The following ARL15 variants were observed in gnomAD, a reference collection of about 807,000 sequenced individuals.
ARL15 encodes ADP-ribosylation factor-like protein 15.
In ARL15, 19 loss-of-function variants were observed where a neutral mutation model predicts 25.2. That is an observed-to-expected ratio of 0.75 (90% CI 0.53 to 1.10). The LOEUF (loss-of-function observed/expected upper bound fraction) is 1.10, where lower values mean the gene tolerates loss of function less well. ARL15 is among the 50% of genes least tolerant of loss of function. The pLI is 0.00. For synonymous variants in ARL15, 94 were observed against 86.8 expected (o/e 1.08, Z -0.46); for missense variants, 220 against 246.0 (o/e 0.89, Z 0.71).
intron 4 of ARL15, among the ~76,000 whole-genome samples, chr5:54,090,889 G>A (rs763870235): frequency 3.3e-5 from 5 of 152,252 alleles, no homozygotes; most frequent in South Asian, 2.1e-4. Flanking sequence ...GCTTAGGGCT[G>A]AGATTAGACT....
chr5:54,200,110 C>A (rs920368872), intron 1 of ARL15, among the ~76,000 whole-genome samples: 2 of 132,806 alleles, frequency 1.5e-5, no homozygotes, highest in East Asian at 4.4e-4. Context: ...CACATGGACA[C>A]AGGAAGGGGA....
chr5:53,968,196 T>C (rs746586224), intron 4 of ARL15, among the ~76,000 whole-genome samples: 2 of 152,206 alleles, frequency 1.3e-5, no homozygotes, highest in Non-Finnish European at 2.9e-5. Flanking sequence ...TGTAAACTGA[T>C]ACTCTACAAA....
chr5:54,115,504 T>G (rs1441601957), intron 3 of ARL15, among the ~76,000 whole-genome samples: 2 of 152,172 alleles, frequency 1.3e-5, no homozygotes, highest in Non-Finnish European at 2.9e-5. Context: ...TCCCATTTAT[T>G]AAACACTTCC....
At position 54,276,099 on chromosome 5, in the gene ARL15, A is replaced by G. The variant is rs1757922551; in HGVS notation, c.48+34333T>C. On this transcript the variant is annotated intron_variant, in intron 1 of 4. Transcript: ENST00000504924. ...AGAAACTTATTCTGCTTAAGCTACT[A>G]TTATTTTGGTCTTTATAAAAACAGC... 2.0e-5 allele frequency among the ~76,000 whole-genome samples: 3 copies of G among 152,056 alleles called. No individual in the cohort carries two copies. The South Asian group carries it at 6.2e-4, about 31-fold the overall frequency.
chr5:53,951,847 A>ATTTTTTT (rs59369848), intron 4 of ARL15, among the ~76,000 whole-genome samples: 1 of 98,218 alleles, frequency 1.0e-5, no homozygotes, highest in South Asian at 3.6e-4. Flanking sequence ...ACATAAAAGA[A>ATTTTTTT]TTTTTTTTTT....
chr5:54,309,866 T>G (rs1265132676), intron 1 of ARL15, among the ~76,000 whole-genome samples: 1 of 152,188 alleles, frequency 6.6e-6, no homozygotes, highest in Non-Finnish European at 1.5e-5. Flanking sequence ...TACCTGTCCC[T>G]ACTCAGTCCT....
chr5:54,038,442 A>C (rs1179078469), intron 4 of ARL15, among the ~76,000 whole-genome samples: 1 of 152,156 alleles, frequency 6.6e-6, no homozygotes, highest in Admixed American at 6.5e-5. Flanking sequence ...AAACATATAT[A>C]AAATCCCAAA....
At chr5:54,202,533 T>C (rs893759928) in intron 1 of ARL15, among the ~76,000 whole-genome samples, 2 of 152,246 alleles carry the variant, frequency 1.3e-5, no homozygotes, top group Admixed American at 6.5e-5. Flanking sequence ...GGGAATCTCC[T>C]CTAAAGGAAT....
chr5:54,222,639 A>G (rs26769), intron 1 of ARL15, among the ~76,000 whole-genome samples: 81,479 of 151,898 alleles, frequency 0.54, 22,103 homozygotes, highest in Middle Eastern at 0.69. Context: ...GGGAGGAGCA[A>G]GGATAAGGAT....
intron 4 of ARL15, among the ~76,000 whole-genome samples, chr5:54,005,228 G>T (rs1748987160): frequency 6.6e-6 from 1 of 150,932 alleles, no homozygotes; most frequent in South Asian, 2.1e-4. Context: ...TGTCACATAG[G>T]TAGTAGATGG....
chr5:53,934,890 C>G (rs1464080610), intron 4 of ARL15, among the ~76,000 whole-genome samples: 1 of 152,156 alleles, frequency 6.6e-6, no homozygotes, highest in Non-Finnish European at 1.5e-5. Context: ...GGTAACATCA[C>G]AGAGTTAAAG....
chr5:53,976,704 G>A (rs577452566), intron 4 of ARL15, among the ~76,000 whole-genome samples: 1 of 152,122 alleles, frequency 6.6e-6, no homozygotes, highest in African/African-American at 2.4e-5. Context: ...TTGGCATGTC[G>A]AGCTTGAGGT....
rs532101728 is a variant in ARL15, at chr5:54,042,790, T to C, written c.462+70412A>G. On this transcript the variant is annotated intron_variant, in intron 4 of 4. Coordinates refer to ENST00000504924, the MANE Select transcript of ARL15 (RefSeq NM_019087.3). ...CACACTTCTCTAACTTCCCTGAGAG[T>C]GCCTCGGGTGTCACCAAGTGGGGGT... is the stretch of plus-strand genomic sequence containing the variant. Among the ~76,000 whole-genome samples the C allele has an allele frequency of 3.2e-3, 483 of 152,280 alleles. 1 individual carries two copies. The highest frequency in any genetic ancestry group is 5.3e-3 in the Non-Finnish European group (361 of 68,016).
intron 1 of ARL15, among the ~76,000 whole-genome samples, chr5:54,260,982 AT>A (rs1757484985): frequency 6.6e-6 from 1 of 152,200 alleles, no homozygotes; most frequent in Non-Finnish European, 1.5e-5. Context: ...AAAGAAAAAA[AT>A]AAATTAGTTC....
chr5:54,144,657 T>C (rs16882296), intron 3 of ARL15, among the ~76,000 whole-genome samples: 1 of 152,010 alleles, frequency 6.6e-6, no homozygotes, highest in Non-Finnish European at 1.5e-5. Flanking sequence ...CATCTTTTGT[T>C]TGAGAATCTC....
At chr5:54,294,816 C>T (rs552496218) in intron 1 of ARL15, among the ~76,000 whole-genome samples, 10 of 152,218 alleles carry the variant, frequency 6.6e-5, no homozygotes, top group Admixed American at 1.3e-4. Context: ...CTTAATATCA[C>T]TCACTGCAGT....
chr5:54,057,820 C>A (rs1390189093), intron 4 of ARL15, among the ~76,000 whole-genome samples: 2 of 152,196 alleles, frequency 1.3e-5, no homozygotes, highest in South Asian at 4.1e-4. Context: ...CTCGACTTCA[C>A]TCCAGACTGG....
intron 4 of ARL15, among the ~76,000 whole-genome samples, chr5:53,956,202 CT>C (rs1299175622): frequency 6.6e-6 from 1 of 151,818 alleles, no homozygotes; most frequent in Non-Finnish European, 1.5e-5. Context: ...TGAATGGAAG[CT>C]AAAGGAATAA....
Position 53,886,473 on chromosome 5 carries a change from T to C in ARL15, c.*88A>G, listed in dbSNP as rs557613469. 2.7e-5 allele frequency: 38 copies of C among 1,409,746 alleles called. No individual in the cohort carries two copies. Among genetic ancestry groups the C allele is most frequent in the Non-Finnish European group, 3.2e-5 (34 of 1,056,006 alleles). 87.3% of individuals were successfully genotyped at this position (1,409,746 alleles called of 1,614,324 possible). On this transcript the variant is annotated 3_prime_UTR_variant, in exon 5 of 5. Coordinates refer to ENST00000504924, the MANE Select transcript of ARL15 (RefSeq NM_019087.3). ...AGAGGAAAATAGATACTGAAGCCAATATAGTCTTGATACCAAAATAAAATT... is the reference window on the plus strand; with the variant it reads ...AGAGGAAAATAGATACTGAAGCCAACATAGTCTTGATACCAAAATAAAATT...
Sources: allele counts gnomAD v4.1 joint callset (sites outside exome capture counted in the v4.1 genomes callset), GRCh38; gene constraint gnomAD v4.1.1; transcripts MANE v1.5; gene names NCBI Gene and HGNC (gene_info 2026-07-23, HGNC 2026-07-21).